BAZ2B: variants seen among roughly 807,000 people sequenced by gnomAD.
BAZ2B encodes bromodomain adjacent to zinc finger domain 2B.
In BAZ2B, 91 loss-of-function variants were observed where a neutral mutation model predicts 246.0. The ratio of observed to expected loss-of-function variants is 0.37; its 90% CI spans 0.31 to 0.44. The LOEUF is 0.44. BAZ2B is among the 20% of genes least tolerant of loss of function. BAZ2B has a pLI of 1.00. For synonymous variants in BAZ2B, 855 were observed against 860.0 expected (o/e 0.99, Z 0.10); for missense variants, 2,332 against 2,533.7 (o/e 0.92, Z 1.71).
the BAZ2B span, among the ~76,000 whole-genome samples, chr2:159,662,239 T>C: frequency 6.6e-6 from 1 of 152,244 alleles, no homozygotes; most frequent in Non-Finnish European, 1.5e-5. Context: ...TATTGATCTG[T>C]TGATGGACAT....
At chr2:159,554,934 G>C (rs1578330075) in intron 2 of BAZ2B, among the ~76,000 whole-genome samples, 1 of 151,866 alleles carries the variant, frequency 6.6e-6, no homozygotes, top group Admixed American at 6.6e-5. Flanking sequence ...TTACTTAAGA[G>C]AACCATCCTT....
the BAZ2B span, among the ~76,000 whole-genome samples, chr2:159,678,846 CCT>C: frequency 6.6e-6 from 1 of 152,132 alleles, no homozygotes; most frequent in Non-Finnish European, 1.5e-5. Context: ...ATCCCTAACC[CCT>C]GATAACTACT....
At chr2:159,703,964 C>T in the BAZ2B span, among the ~76,000 whole-genome samples, 6 of 152,134 alleles carry the variant, frequency 3.9e-5, no homozygotes, top group Non-Finnish European at 8.8e-5. Context: ...TGCTTATGTG[C>T]CATGCTAAAG....
intron 27 of BAZ2B, 148 bp downstream of exon 27, chr2:159,372,897 C>T (rs1240755954): frequency 1.2e-6 from 1 of 843,686 alleles, no homozygotes; most frequent in Non-Finnish European, 1.8e-6. Flanking sequence ...AGTGAAGGGG[C>T]ATTATGAGTG....
chr2:159,661,127 T>C, the BAZ2B span, among the ~76,000 whole-genome samples: 12 of 152,148 alleles, frequency 7.9e-5, no homozygotes, highest in African/African-American at 2.9e-4. Context: ...CAACTAACAA[T>C]CTATTTCTTG....
intron 3 of BAZ2B, chr2:159,463,090 T>C: frequency 5.7e-6 from 4 of 703,124 alleles, no homozygotes; most frequent in South Asian, 3.2e-5. Context: ...CATGTTATAA[T>C]GGGCAAATGC....
chr2:159,350,277 A>G lies in BAZ2B; in HGVS notation c.4294T>C (p.Ser1432Pro). ...TTTGAACAATTTAAACTGTCCCCAG[A>G]AGTCTCAAACATTTCTTCTTTGATC... ...VQIKEEMFETSGDSLNCSNTD... is the reference protein window; with the variant it reads ...VQIKEEMFETPGDSLNCSNTD... Residue 1432 changes from serine (S) to proline (P), a missense_variant, in exon 28 of 37, where the codon TCT becomes CCT. Coordinates refer to ENST00000392783, the MANE Select transcript of BAZ2B (RefSeq NM_013450.4). 6.2e-7 allele frequency: 1 copy of G among 1,610,518 alleles called. No individual in the cohort carries two copies. The highest frequency in any genetic ancestry group is 1.1e-5 in the South Asian group (1 of 90,570).
intron 30 of BAZ2B, among the ~76,000 whole-genome samples, chr2:159,348,238 T>C (rs930865527): frequency 6.1e-5 from 9 of 146,712 alleles, no homozygotes; most frequent in African/African-American, 2.3e-4. Flanking sequence ...GAAGATTGCT[T>C]GAGCCCAGGA....
chr2:159,479,167 G>C (rs2078969825), intron 2 of BAZ2B, among the ~76,000 whole-genome samples: 1 of 151,940 alleles, frequency 6.6e-6, no homozygotes, highest in Non-Finnish European at 1.5e-5. Flanking sequence ...TATACTTGTA[G>C]CTCTTAAGTG....
intron 6 of BAZ2B, among the ~76,000 whole-genome samples, chr2:159,441,051 T>C (rs2073303135): frequency 6.6e-6 from 1 of 152,174 alleles, no homozygotes. Context: ...ACCATTTATT[T>C]GTCAAAGAAA....
rs1214488949 is a variant in BAZ2B, at chr2:159,393,078, T to C, written c.3075+2691A>G. 5.9e-5 allele frequency among the ~76,000 whole-genome samples: 9 copies of C among 152,078 alleles called. No homozygotes were observed. The East Asian group carries it at 1.5e-3, about 26-fold the overall frequency. On this transcript the variant is annotated intron_variant, in intron 20 of 36. Coordinates refer to ENST00000392783, the MANE Select transcript of BAZ2B (RefSeq NM_013450.4). ...TGAATATTTGGTGGAAAAACAGCAA[T>C]AGTACAGACCGTTCATTCAGGAATA...
intron 3 of BAZ2B, among the ~76,000 whole-genome samples, chr2:159,470,073 T>C (rs888315394): frequency 6.6e-6 from 1 of 152,208 alleles, no homozygotes; most frequent in Non-Finnish European, 1.5e-5. Context: ...ACCAACACTA[T>C]TCTGAAAGGA....
At chr2:159,673,630 A>G in the BAZ2B span, among the ~76,000 whole-genome samples, 2 of 152,178 alleles carry the variant, frequency 1.3e-5, no homozygotes, top group Non-Finnish European at 2.9e-5. Flanking sequence ...AGTAGGTTAA[A>G]CTATGGACAC....
At chr2:159,676,811 A>G in the BAZ2B span, among the ~76,000 whole-genome samples, 27 of 152,026 alleles carry the variant, frequency 1.8e-4, no homozygotes, top group Non-Finnish European at 3.4e-4. Context: ...GTGGTGATAA[A>G]AAAGTTTTGG....
the BAZ2B span, among the ~76,000 whole-genome samples, chr2:159,633,555 C>T: frequency 6.6e-6 from 1 of 152,046 alleles, no homozygotes. Context: ...ATGGTACTAC[C>T]ACATGCCATT....
At chr2:159,524,774 G>A (rs561891030) in intron 2 of BAZ2B, among the ~76,000 whole-genome samples, 43 of 151,914 alleles carry the variant, frequency 2.8e-4, no homozygotes, top group African/African-American at 8.2e-4. Flanking sequence ...AAATCCAATC[G>A]GCGAAGTTAG....
chr2:159,514,142 C>T (rs2083202187), intron 2 of BAZ2B, among the ~76,000 whole-genome samples: 1 of 152,138 alleles, frequency 6.6e-6, no homozygotes, highest in South Asian at 2.1e-4. Context: ...CATTTGTCAT[C>T]TTCTAAAATG....
intron 31 of BAZ2B, among the ~76,000 whole-genome samples, chr2:159,338,604 A>G (rs1025978472): frequency 6.6e-6 from 1 of 152,290 alleles, no homozygotes; most frequent in Middle Eastern, 3.4e-3. Flanking sequence ...GGAAATGTTC[A>G]CCATGGCATT....
intron 2 of BAZ2B, among the ~76,000 whole-genome samples, chr2:159,496,207 C>T (rs13032960): frequency 1.3e-5 from 2 of 148,966 alleles, no homozygotes; most frequent in Non-Finnish European, 3.0e-5. Flanking sequence ...AACCCCATCT[C>T]TACTAAAAAA....
Sources: gnomAD v4.1 joint callset for allele counts (sites outside exome capture counted in the v4.1 genomes callset) on GRCh38, gnomAD v4.1.1 for gene constraint, MANE v1.5 for transcripts, NCBI Gene and HGNC (gene_info 2026-07-23, HGNC 2026-07-21) for gene names.